The following DMD variants were observed in gnomAD, a reference collection of about 807,000 sequenced individuals.
The protein encoded by DMD is dystrophin, also known as mutant dystrophin.
A neutral mutation model predicts 330.1 loss-of-function variants in DMD; 63 were observed. That is an observed-to-expected ratio of 0.19 (90% CI 0.16 to 0.24). The LOEUF (loss-of-function observed/expected upper bound fraction) is 0.24, where lower values mean the gene tolerates loss of function less well. Ranked by LOEUF, DMD falls within the 10% of genes least tolerant of loss-of-function variation. The pLI is 1.00. For synonymous variants in DMD, 1,223 were observed against 959.8 expected (o/e 1.27, Z -5.07); for missense variants, 3,344 against 2,684.1 (o/e 1.25, Z -5.43).
chrX:32,153,213 C>A (rs1225215656), intron 44 of DMD, among the ~76,000 whole-genome samples: 1 of 111,804 alleles, frequency 8.9e-6, no homozygotes, highest in Non-Finnish European at 1.9e-5. Context: ...TTATATTTCT[C>A]TTTTTTTAAG....
At chrX:32,619,645 T>C (rs1229624021) in intron 11 of DMD, among the ~76,000 whole-genome samples, 2 of 111,773 alleles carry the variant, frequency 1.8e-5, no homozygotes, top group Non-Finnish European at 3.8e-5. Context: ...CAATAAAATA[T>C]AAAAGTTGGG....
rs775304916 is a variant in DMD, at chrX:31,449,632, A to G, written c.8938-5005T>C. On this transcript the variant is annotated intron_variant, in intron 59 of 78. Coordinates refer to ENST00000357033, the MANE Select transcript of DMD (RefSeq NM_004006.3). ...GAGAAAGTAGAGGGGTCAGTTGTAG[A>G]AGTCCAGGATAATCCATAAAAGGCC... Among the ~76,000 whole-genome samples the G allele has an allele frequency of 3.7e-4, 40 of 107,847 alleles. No homozygotes were observed. In the South Asian group the frequency reaches 0.017, roughly 45 times the overall value. The allele number at this position is 107,847 out of a possible 115,157, so 93.7% of individuals were successfully genotyped here.
Position 33,138,605 on chromosome X carries a change from C to T in DMD, c.31+72677G>A, listed in dbSNP as rs187934041. Among the ~76,000 whole-genome samples, 4 of 111,449 alleles carry T rather than the reference C, an allele frequency of 3.6e-5. No homozygotes were observed. In the East Asian group the frequency reaches 1.1e-3, roughly 32 times the overall value. On this transcript the variant is annotated intron_variant, in intron 1 of 78. Coordinates refer to ENST00000357033, the MANE Select transcript of DMD (RefSeq NM_004006.3). ...CCCTAAACACTCTATCTCCATTGTG[C>T]TGATTTTTTGAAGATATTCATCTAT... is the stretch of plus-strand genomic sequence containing the variant.
At chrX:32,497,253 G>A (rs1209507588) in intron 19 of DMD, among the ~76,000 whole-genome samples, 1 of 112,169 alleles carries the variant, frequency 8.9e-6, no homozygotes, top group Non-Finnish European at 1.9e-5. Context: ...TTATCATTCT[G>A]TGCCATTTAA....
intron 50 of DMD, among the ~76,000 whole-genome samples, chrX:31,780,143 T>C (rs765735461): frequency 1.8e-5 from 2 of 112,106 alleles, no homozygotes; most frequent in South Asian, 7.4e-4. Flanking sequence ...ACTAAATCTT[T>C]TAAAACACAC....
intron 43 of DMD, among the ~76,000 whole-genome samples, chrX:32,259,265 T>C (rs1045062956): frequency 9.0e-6 from 1 of 110,722 alleles, no homozygotes; most frequent in Admixed American, 9.7e-5. Flanking sequence ...CCATATCATA[T>C]AGCGACTGAT....
At chrX:32,566,960 G>T (rs1400941636) in intron 15 of DMD, among the ~76,000 whole-genome samples, 1 of 112,165 alleles carries the variant, frequency 8.9e-6, no homozygotes, top group African/African-American at 3.2e-5. Context: ...CGAAACAAAT[G>T]TAAGTTTATT....
rs2060890443 is a variant in DMD, at chrX:31,395,656, C to T, written c.9085-47022G>A. Among the ~76,000 whole-genome samples the T allele has an allele frequency of 1.8e-5, 2 of 112,008 alleles. 1 individual carries two copies. Among genetic ancestry groups the T allele is most frequent in the Non-Finnish European group, 3.8e-5 (2 of 53,263 alleles). ...TACACCCTTTTTGCCTTCTCTTTTT[C>T]ACCCTGTGAAATAATGGTGGCTGCT... On this transcript the variant is annotated intron_variant, in intron 60 of 78. Coordinates refer to ENST00000357033, the MANE Select transcript of DMD (RefSeq NM_004006.3).
chrX:33,142,267 T>C (rs2047832645), intron 1 of DMD, among the ~76,000 whole-genome samples: 1 of 111,832 alleles, frequency 8.9e-6, no homozygotes, highest in African/African-American at 3.3e-5. Flanking sequence ...GCGTTTTTAG[T>C]AGAGAAAGGG....
At chrX:33,259,607 C>A (rs1231650125) in intron 1 of DMD, among the ~76,000 whole-genome samples, 2 of 72,953 alleles carry the variant, frequency 2.7e-5, no homozygotes, top group Admixed American at 1.7e-4. Context: ...GCCCCCCCCC[C>A]CCAAAAAAAA....
intron 44 of DMD, among the ~76,000 whole-genome samples, chrX:31,973,038 G>T (rs1382759727): frequency 9.0e-6 from 1 of 111,585 alleles, no homozygotes; most frequent in African/African-American, 3.3e-5. Context: ...ATGTGCTTCA[G>T]CAAGTTTCTT....
chrX:31,928,341 C>G (rs1199331108), intron 47 of DMD, among the ~76,000 whole-genome samples: 1 of 111,464 alleles, frequency 9.0e-6, no homozygotes, highest in Non-Finnish European at 1.9e-5. Flanking sequence ...CGCGGTGGCT[C>G]ACGCTGTAAT....
chrX:32,545,077 G>A (rs761553469), intron 17 of DMD, 82 bp downstream of exon 17: 16 of 969,913 alleles, frequency 1.6e-5, no homozygotes, highest in Non-Finnish European at 1.9e-5. Flanking sequence ...AAATATTGCT[G>A]AAGTGAAAAC....
At chrX:33,088,751 C>G (rs1332002997) in intron 1 of DMD, among the ~76,000 whole-genome samples, 4 of 111,967 alleles carry the variant, frequency 3.6e-5, no homozygotes, top group African/African-American at 1.3e-4. Context: ...GATATTAAAA[C>G]TTATAATAAA....
At chrX:31,951,173 A>ATATATATATATC (rs1569521328) in intron 45 of DMD, among the ~76,000 whole-genome samples, 1 of 93,632 alleles carries the variant, frequency 1.1e-5, no homozygotes, top group African/African-American at 3.9e-5. Context: ...ATATATATAT[A>ATATATATATATC]TGTATATATA....
chrX:32,024,552 A>G (rs893788222), intron 44 of DMD, among the ~76,000 whole-genome samples: 1 of 110,727 alleles, frequency 9.0e-6, no homozygotes, highest in African/African-American at 3.3e-5. Context: ...ATTTTAGAAG[A>G]GAAAAGCTCT....
chrX:32,823,055 C>T (rs188799997), intron 5 of DMD, among the ~76,000 whole-genome samples: 1 of 111,222 alleles, frequency 9.0e-6, no homozygotes, highest in East Asian at 2.8e-4. Flanking sequence ...GTATTTTTAC[C>T]TTATACTTAC....
At chrX:33,283,416 C>T (rs1412684999) in intron 1 of DMD, among the ~76,000 whole-genome samples, 3 of 108,438 alleles carry the variant, frequency 2.8e-5, no homozygotes, top group African/African-American at 1.0e-4. Context: ...GGTGGGCACT[C>T]GGGAGGCTGA....
intron 7 of DMD, among the ~76,000 whole-genome samples, chrX:32,804,584 A>T (rs1379438485): frequency 8.9e-6 from 1 of 112,609 alleles, no homozygotes; most frequent in East Asian, 2.8e-4. Flanking sequence ...CCGGCTCTGA[A>T]GAGAGCAGCA....
Sources: allele counts gnomAD v4.1 joint callset (sites outside exome capture counted in the v4.1 genomes callset), GRCh38; gene constraint gnomAD v4.1.1; transcripts MANE v1.5; gene names NCBI Gene and HGNC (gene_info 2026-07-23, HGNC 2026-07-21).